Variants in FOXP1 observed in about 807,000 individuals in gnomAD.
The protein encoded by FOXP1 is forkhead box protein P1.
FOXP1 carries 15 observed loss-of-function variants against 98.2 expected under a neutral mutation model. That is an observed-to-expected ratio of 0.15 (90% CI 0.10 to 0.24). The LOEUF (loss-of-function observed/expected upper bound fraction) is 0.24. Among genes scored for constraint, FOXP1 ranks in the 10% least tolerant of loss-of-function variants. The pLI, the probability that FOXP1 is intolerant of heterozygous loss-of-function variation, is 1.00. For synonymous variants in FOXP1, 371 were observed against 314.5 expected (o/e 1.18, Z -1.90); for missense variants, 633 against 848.5 (o/e 0.75, Z 3.15).
intron 2 of FOXP1, among the ~76,000 whole-genome samples, chr3:71,517,266 C>T (rs17008713): frequency 0.14 from 21,223 of 151,960 alleles, 1,726 homozygotes; most frequent in Middle Eastern, 0.21. Context: ...CAAGTCCATA[C>T]AGATTCACAG....
In FOXP1 at chr3:70,958,217, A is replaced by T. The variant is rs1353378788; in HGVS notation, c.*1030T>A. On this transcript the variant is annotated 3_prime_UTR_variant, in exon 21 of 21. Coordinates refer to ENST00000649528, the MANE Select transcript of FOXP1 (RefSeq NM_001349338.3). The stretch of plus-strand genomic sequence containing the variant: ...GCTGCAAAAAAAAAAAAAGAAAAGA[A>T]AAGAAAAAAAGAAAATCCGAAACAC... 2.1e-6 allele frequency: 1 copy of T among 475,654 alleles called. No homozygotes were observed. The highest frequency in any genetic ancestry group is 4.0e-6 in the Non-Finnish European group (1 of 251,636). 29.5% of individuals were successfully genotyped at this position (475,654 alleles called of 1,614,324 possible). A position where few individuals can be genotyped will look rare whatever the true frequency, so the allele number is the denominator to read the frequency against.
chr3:71,461,744 G>GAGCCAAGATC (rs1238260222), intron 3 of FOXP1, among the ~76,000 whole-genome samples: 1 of 152,012 alleles, frequency 6.6e-6, no homozygotes, highest in East Asian at 1.9e-4. Flanking sequence ...AGGGTGCAGT[G>GAGCCAAGATC]AGCCAAGATC....
At chr3:71,464,883 C>A (rs1382428082) in intron 3 of FOXP1, among the ~76,000 whole-genome samples, 1 of 152,240 alleles carries the variant, frequency 6.6e-6, no homozygotes, top group Non-Finnish European at 1.5e-5. Context: ...CTTCCCCTTA[C>A]ATAACCTCAT....
At chr3:71,205,543 C>A (rs1321448106) in intron 5 of FOXP1, among the ~76,000 whole-genome samples, 1 of 152,122 alleles carries the variant, frequency 6.6e-6, no homozygotes, top group Non-Finnish European at 1.5e-5. Context: ...TGTGGCCACT[C>A]ATTTAGCCAT....
intron 5 of FOXP1, among the ~76,000 whole-genome samples, chr3:71,199,342 TG>T (rs1419027702): frequency 6.6e-6 from 1 of 151,762 alleles, no homozygotes; most frequent in Non-Finnish European, 1.5e-5. Flanking sequence ...TGACCTCAGG[TG>T]ATGCACCCGT....
At chr3:71,052,500 A>G (rs2050045466) in intron 9 of FOXP1, 37 bp downstream of exon 9, 3 of 891,398 alleles carry the variant, frequency 3.4e-6, no homozygotes, top group Non-Finnish European at 5.8e-6. Flanking sequence ...GTCCTCTGGG[A>G]TCTGTGGTTT....
chr3:71,317,709 GA>G (rs534555428), intron 4 of FOXP1, among the ~76,000 whole-genome samples: 111 of 151,220 alleles, frequency 7.3e-4, no homozygotes, highest in African/African-American at 2.6e-3. Context: ...ACTCAAATAA[GA>G]AACTATTTTG....
chr3:71,331,372 C>G (rs1733523), intron 4 of FOXP1, among the ~76,000 whole-genome samples: 1 of 151,516 alleles, frequency 6.6e-6, no homozygotes, highest in African/African-American at 2.4e-5. Flanking sequence ...AGCCTCCCCC[C>G]TCCCCACCCC....
chr3:71,233,414 G>GT (rs909255821), intron 5 of FOXP1, among the ~76,000 whole-genome samples: 9 of 150,768 alleles, frequency 6.0e-5, no homozygotes, highest in Non-Finnish European at 8.9e-5. Flanking sequence ...AGCTGCTATA[G>GT]TTTTTTTTTG....
chr3:71,281,037 T>C lies in FOXP1; in HGVS notation c.-12+18783A>G, dbSNP rs1576744387. Among the ~76,000 whole-genome samples, 11 of 35,510 alleles carry C rather than the reference T, an allele frequency of 3.1e-4. No individual in the cohort carries two copies. In the Admixed American group the frequency reaches 3.8e-3, roughly 12 times the overall value. 23.3% of individuals were successfully genotyped at this position (35,510 alleles called of 152,430 possible). A position where few individuals can be genotyped will look rare whatever the true frequency, so the allele number is the denominator to read the frequency against. ...GGGCAACATGGCAAAGCCCCTTCTC[T>C]ACAAAAAAAAAAAAAAAAAAAAAAG... On this transcript the variant is annotated intron_variant, in intron 5 of 20. Coordinates refer to ENST00000649528, the MANE Select transcript of FOXP1 (RefSeq NM_001349338.3).
At chr3:71,443,638 C>T (rs995737560) in intron 3 of FOXP1, among the ~76,000 whole-genome samples, 1 of 152,180 alleles carries the variant, frequency 6.6e-6, no homozygotes, top group African/African-American at 2.4e-5. Flanking sequence ...CTGCCACTCT[C>T]CCTCCAACAG....
intron 4 of FOXP1, among the ~76,000 whole-genome samples, chr3:71,356,886 G>A (rs1421789817): frequency 6.6e-6 from 1 of 152,180 alleles, no homozygotes; most frequent in East Asian, 1.9e-4. Flanking sequence ...ACAAAGCATA[G>A]GGAAGTCTCA....
At chr3:71,125,671 T>C (rs934904552) in intron 6 of FOXP1, among the ~76,000 whole-genome samples, 4 of 152,172 alleles carry the variant, frequency 2.6e-5, no homozygotes, top group African/African-American at 4.8e-5. Context: ...CCAGTAACCA[T>C]GGTTTAGCAT....
At chr3:71,099,939 A>G (rs1254360401) in intron 7 of FOXP1, among the ~76,000 whole-genome samples, 2 of 152,236 alleles carry the variant, frequency 1.3e-5, no homozygotes, top group Non-Finnish European at 2.9e-5. Context: ...CAATTTGCCC[A>G]GTCTCATTTA....
intron 5 of FOXP1, among the ~76,000 whole-genome samples, chr3:71,291,618 ATGTTT>A (rs2072752716): frequency 6.6e-6 from 1 of 152,016 alleles, no homozygotes; most frequent in Non-Finnish European, 1.5e-5. Flanking sequence ...CAGTACTCAT[ATGTTT>A]CAGAAGTTTT....
rs2106798519 is a variant in FOXP1 at position 70,955,944 on chromosome 3, G to C, written c.*3303C>G. The stretch of plus-strand genomic sequence containing the variant: ...GTTTAAAAGCAGAAAAAAAAAGTTA[G>C]GGAGTTTCTCCCTCCCACATGTCAG... On this transcript the variant is annotated 3_prime_UTR_variant, in exon 21 of 21. Transcript: ENST00000649528. The C allele has an allele frequency of 4.3e-6, 1 of 233,090 alleles. No individual in the cohort carries two copies. Among genetic ancestry groups the C allele is most frequent in the East Asian group, 6.0e-5 (1 of 16,570 alleles). 14.4% of individuals were successfully genotyped at this position (233,090 alleles called of 1,614,324 possible). A position where few individuals can be genotyped will look rare whatever the true frequency, so the allele number is the denominator to read the frequency against.
At chr3:71,270,110 C>T (rs1372529070) in intron 5 of FOXP1, among the ~76,000 whole-genome samples, 3 of 152,130 alleles carry the variant, frequency 2.0e-5, no homozygotes, top group East Asian at 3.9e-4. Flanking sequence ...AGAAACTGCT[C>T]GTGGCAGAAG....
chr3:70,962,459 C>G (rs2033772426), intron 20 of FOXP1, among the ~76,000 whole-genome samples: 5 of 152,266 alleles, frequency 3.3e-5, no homozygotes, highest in Admixed American at 3.3e-4. Context: ...TAAACTCAAT[C>G]TCATCAGCAG....
At chr3:71,381,963 CT>C (rs1397745212) in intron 3 of FOXP1, among the ~76,000 whole-genome samples, 1 of 151,942 alleles carries the variant, frequency 6.6e-6, no homozygotes, top group Non-Finnish European at 1.5e-5. Flanking sequence ...ATGCAAATGA[CT>C]GAATTAACAT....
Sources: allele counts gnomAD v4.1 joint callset (sites outside exome capture counted in the v4.1 genomes callset), GRCh38; gene constraint gnomAD v4.1.1; transcripts MANE v1.5; gene names NCBI Gene and HGNC (gene_info 2026-07-23, HGNC 2026-07-21).